ESR1: variants seen among roughly 807,000 people sequenced by gnomAD.
The protein encoded by ESR1 is estrogen receptor 1.
ESR1 carries 12 observed loss-of-function variants against 52.7 expected under a neutral mutation model. That is an observed-to-expected ratio of 0.23 (90% CI 0.15 to 0.37). The LOEUF (loss-of-function observed/expected upper bound fraction) is 0.37. ESR1 is among the 10% of genes least tolerant of loss of function. ESR1 has a pLI of 1.00. For synonymous variants in ESR1, 305 were observed against 316.8 expected (o/e 0.96, Z 0.39); for missense variants, 584 against 779.7 (o/e 0.75, Z 2.99).
chr6:152,072,791 A>G (rs2048453064), intron 6 of ESR1, among the ~76,000 whole-genome samples: 1 of 152,256 alleles, frequency 6.6e-6, no homozygotes, highest in Non-Finnish European at 1.5e-5. Context: ...AATTGGAATC[A>G]ACAGTTATGG....
intron 4 of ESR1, among the ~76,000 whole-genome samples, chr6:151,945,902 A>T (rs2035646694): frequency 6.6e-6 from 1 of 152,208 alleles, no homozygotes; most frequent in Admixed American, 6.5e-5. Context: ...GTTAGAGGCC[A>T]CCATTTTGGT....
At chr6:151,903,552 G>A (rs772961721) in intron 3 of ESR1, among the ~76,000 whole-genome samples, 2 of 152,158 alleles carry the variant, frequency 1.3e-5, no homozygotes, top group African/African-American at 4.8e-5. Flanking sequence ...CTTTCATTTT[G>A]GACTTCTAAG....
At chr6:152,051,584 C>G (rs991180016) in intron 5 of ESR1, among the ~76,000 whole-genome samples, 2 of 151,846 alleles carry the variant, frequency 1.3e-5, no homozygotes, top group Non-Finnish European at 2.9e-5. Context: ...GCTGTCTTCC[C>G]CCATCTCTCC....
chr6:151,940,584 A>C (rs1379766910), intron 3 of ESR1, among the ~76,000 whole-genome samples: 1 of 152,182 alleles, frequency 6.6e-6, no homozygotes, highest in Non-Finnish European at 1.5e-5. Context: ...AAGCCATCTA[A>C]GTAGTCTGCT....
At chr6:151,953,785 A>G (rs1161667113) in intron 4 of ESR1, among the ~76,000 whole-genome samples, 1 of 152,164 alleles carries the variant, frequency 6.6e-6, no homozygotes, top group Admixed American at 6.5e-5. Context: ...AGAAGAATTC[A>G]CCTATTTCCT....
intron 5 of ESR1, among the ~76,000 whole-genome samples, chr6:152,035,610 G>A (rs1023378417): frequency 1.3e-5 from 2 of 152,070 alleles, no homozygotes; most frequent in African/African-American, 4.8e-5. Flanking sequence ...AATGCTCTTG[G>A]AAGATGAAAA....
At chr6:152,093,285 CA>C (rs929426915) in intron 6 of ESR1, among the ~76,000 whole-genome samples, 18 of 131,712 alleles carry the variant, frequency 1.4e-4, no homozygotes, top group East Asian at 4.6e-4. Context: ...AAAAAAAAAA[CA>C]AAAAAAAAAA....
At chr6:151,931,628 G>C (rs1193755125) in intron 3 of ESR1, among the ~76,000 whole-genome samples, 1 of 125,706 alleles carries the variant, frequency 8.0e-6, no homozygotes, top group African/African-American at 3.1e-5. Context: ...ACACTCCCCA[G>C]AGTGTGATAT....
intron 3 of ESR1, among the ~76,000 whole-genome samples, chr6:151,919,883 C>CAT (rs1482541114): frequency 6.6e-6 from 1 of 152,132 alleles, no homozygotes; most frequent in Non-Finnish European, 1.5e-5. Flanking sequence ...GAAACACACA[C>CAT]ACACAGGTAT....
chr6:151,960,352 A>G (rs1312917467), intron 4 of ESR1, among the ~76,000 whole-genome samples: 1 of 152,206 alleles, frequency 6.6e-6, no homozygotes. Context: ...AACTGTGGAC[A>G]AAAGAAAACA....
rs1243955605 is a variant in ESR1, at chr6:152,102,199, C to G, written c.*3233C>G. On this transcript the variant is annotated 3_prime_UTR_variant, in exon 8 of 8. Coordinates refer to ENST00000206249, the MANE Select transcript of ESR1 (RefSeq NM_000125.4). ...GAGGGCTGAACAAATAAGGGACTTA[C>G]TGATAATTTACTTTTGATCACATTA... The G allele has an allele frequency of 4.8e-6, 1 of 208,566 alleles. No individual in the cohort carries two copies. Among genetic ancestry groups the G allele is most frequent in the Admixed American group, 5.9e-5 (1 of 16,852 alleles). 12.9% of individuals were successfully genotyped at this position (208,566 alleles called of 1,614,324 possible). A position where few individuals can be genotyped will look rare whatever the true frequency, so the allele number is the denominator to read the frequency against.
intron 2 of ESR1, among the ~76,000 whole-genome samples, chr6:151,743,142 G>A (rs1246936943): frequency 2.6e-5 from 4 of 151,946 alleles, no homozygotes; most frequent in African/African-American, 7.2e-5. Flanking sequence ...GACTGGGATC[G>A]CAGGCCAGGC....
intron 2 of ESR1, among the ~76,000 whole-genome samples, chr6:151,871,010 C>T (rs1258105176): frequency 1.3e-5 from 2 of 152,036 alleles, no homozygotes; most frequent in African/African-American, 4.8e-5. Flanking sequence ...CACTACCACA[C>T]TTGGCTAATT....
intron 5 of ESR1, among the ~76,000 whole-genome samples, chr6:152,044,899 A>G (rs1311937559): frequency 1.3e-5 from 2 of 152,188 alleles, no homozygotes; most frequent in African/African-American, 4.8e-5. Flanking sequence ...GCATCCTTCA[A>G]TTCAATCACA....
chr6:151,670,347 A>G (rs768667294), intron 1 of ESR1, among the ~76,000 whole-genome samples: 4 of 152,126 alleles, frequency 2.6e-5, no homozygotes, highest in Admixed American at 6.5e-5. Context: ...CCATCTTTAC[A>G]TGGCATTGAT....
chr6:151,763,871 G>C (rs1177154220), intron 2 of ESR1, among the ~76,000 whole-genome samples: 1 of 152,182 alleles, frequency 6.6e-6, no homozygotes, highest in Non-Finnish European at 1.5e-5. Context: ...AACGTGGTTA[G>C]GTACAACTTA....
chr6:151,962,312 C>T (rs2037757354), intron 4 of ESR1, among the ~76,000 whole-genome samples: 1 of 152,024 alleles, frequency 6.6e-6, no homozygotes, highest in African/African-American at 2.4e-5. Flanking sequence ...TTTATGGTTT[C>T]TTAAAACCCA....
intron 1 of ESR1, among the ~76,000 whole-genome samples, chr6:151,697,862 G>A (rs1020412031): frequency 1.3e-5 from 2 of 152,154 alleles, no homozygotes; most frequent in Admixed American, 6.5e-5. Context: ...ACTTTGGGAG[G>A]CTGAGGCAGG....
At chr6:152,036,265 C>G (rs2045296844) in intron 5 of ESR1, among the ~76,000 whole-genome samples, 1 of 152,106 alleles carries the variant, frequency 6.6e-6, no homozygotes, top group Non-Finnish European at 1.5e-5. Flanking sequence ...GAGGCTGAGG[C>G]AGGAGAATGG....
Sources: gnomAD v4.1 joint callset for allele counts (sites outside exome capture counted in the v4.1 genomes callset) on GRCh38, gnomAD v4.1.1 for gene constraint, MANE v1.5 for transcripts, NCBI Gene and HGNC (gene_info 2026-07-23, HGNC 2026-07-21) for gene names.